Variants in DSCAM observed in about 807,000 individuals in gnomAD.
The protein encoded by DSCAM is DS cell adhesion molecule.
DSCAM carries 47 observed loss-of-function variants against 217.7 expected under a neutral mutation model. The observed-to-expected ratio is 0.22, with a 90% CI of 0.17 to 0.28. The LOEUF is 0.28. DSCAM is among the 10% of genes least tolerant of loss of function. DSCAM has a pLI of 1.00. For missense variants in DSCAM, 2,080 were observed against 2,618.3 expected (o/e 0.79, Z 4.49); for synonymous variants, 1,056 against 1,015.3 (o/e 1.04, Z -0.76).
intron 3 of DSCAM, among the ~76,000 whole-genome samples, chr21:40,629,076 GGTGTGTGTGTGT>G (rs57351838): frequency 0.17 from 25,118 of 144,132 alleles, 2,409 homozygotes; most frequent in Non-Finnish European, 0.21. Context: ...GTGTGTGTGT[GGTGTGTGTGTGT>G]GTGTGTGTGT....
intron 27 of DSCAM, among the ~76,000 whole-genome samples, chr21:40,069,879 C>T (rs532190664): frequency 2.0e-5 from 3 of 152,134 alleles, no homozygotes; most frequent in East Asian, 3.9e-4. Flanking sequence ...CTGTGGCAGA[C>T]ATATATTAAA....
At chr21:40,275,577 C>CA (rs1433384309) in intron 11 of DSCAM, among the ~76,000 whole-genome samples, 11 of 152,176 alleles carry the variant, frequency 7.2e-5, no homozygotes, top group Non-Finnish European at 1.2e-4. Flanking sequence ...CCAGCAGCGC[C>CA]AGCATTAAGC....
chr21:40,770,628 A>C (rs1048108126), intron 1 of DSCAM, among the ~76,000 whole-genome samples: 11 of 152,242 alleles, frequency 7.2e-5, no homozygotes, highest in Non-Finnish European at 1.3e-4. Flanking sequence ...AACACTCAGC[A>C]CCTGCAAATG....
chr21:40,796,277 G>A (rs917640375), intron 1 of DSCAM, among the ~76,000 whole-genome samples: 2 of 152,176 alleles, frequency 1.3e-5, no homozygotes, highest in African/African-American at 4.8e-5. Context: ...GCAAATCCGA[G>A]CAGAAGTTTT....
intron 1 of DSCAM, among the ~76,000 whole-genome samples, chr21:40,763,725 T>C (rs1023427817): frequency 1.3e-5 from 2 of 152,192 alleles, no homozygotes; most frequent in Non-Finnish European, 2.9e-5. Context: ...CAAAACAGCA[T>C]GGTTCTGGTA....
At chr21:40,819,710 A>G (rs565733980) in intron 1 of DSCAM, among the ~76,000 whole-genome samples, 2 of 152,308 alleles carry the variant, frequency 1.3e-5, no homozygotes, top group South Asian at 2.1e-4. Flanking sequence ...TCTCATGAAT[A>G]TGTTTGCCAT....
chr21:40,650,114 C>CG (rs2089994876), intron 3 of DSCAM, among the ~76,000 whole-genome samples: 1 of 152,116 alleles, frequency 6.6e-6, no homozygotes, highest in South Asian at 2.1e-4. Context: ...AAATCACTGA[C>CG]GGGGACTTTT....
intron 19 of DSCAM, 60 bp from the exon 20 acceptor site, chr21:40,124,388 G>A (rs767157186): frequency 2.5e-5 from 40 of 1,601,446 alleles, no homozygotes; most frequent in Admixed American, 1.7e-4. Flanking sequence ...GCGGACCCAC[G>A]CTTCCCAACA....
At chr21:40,599,075 G>A (rs1224227105) in intron 3 of DSCAM, among the ~76,000 whole-genome samples, 1 of 151,952 alleles carries the variant, frequency 6.6e-6, no homozygotes. Context: ...TGAGCTTTAA[G>A]GCTGCTTTAT....
intron 3 of DSCAM, among the ~76,000 whole-genome samples, chr21:40,485,262 A>G (rs2076016280): frequency 7.7e-6 from 1 of 129,380 alleles, no homozygotes. Context: ...TTTTTTTGAG[A>G]CGGAGCCTCG....
chr21:40,267,704 C>G (rs746739434), intron 11 of DSCAM, among the ~76,000 whole-genome samples: 1 of 152,056 alleles, frequency 6.6e-6, no homozygotes, highest in Non-Finnish European at 1.5e-5. Context: ...TGAGACCAGC[C>G]TGGCCAACAT....
At chr21:40,371,848 A>G (rs1383497228) in intron 3 of DSCAM, among the ~76,000 whole-genome samples, 2 of 152,126 alleles carry the variant, frequency 1.3e-5, no homozygotes, top group African/African-American at 4.8e-5. Flanking sequence ...GCAATTATTT[A>G]TTTCCTGCTG....
chr21:40,323,999 G>A (rs1040794583), intron 8 of DSCAM, among the ~76,000 whole-genome samples: 15 of 150,990 alleles, frequency 9.9e-5, no homozygotes, highest in African/African-American at 3.4e-4. Flanking sequence ...AGTTACTTGG[G>A]AGGCTGAGGT....
chr21:40,789,152 C>A (rs954078243), intron 1 of DSCAM, among the ~76,000 whole-genome samples: 1 of 151,704 alleles, frequency 6.6e-6, no homozygotes. Context: ...TGGAAGGGTG[C>A]CGATAGAGCA....
At chr21:40,319,527 T>C (rs1450849888) in intron 8 of DSCAM, among the ~76,000 whole-genome samples, 1 of 152,182 alleles carries the variant, frequency 6.6e-6, no homozygotes, top group East Asian at 1.9e-4. Context: ...TTGGCTGTCG[T>C]GGATAGTGCT....
chr21:40,083,167 G>A (rs1206908683), intron 24 of DSCAM, among the ~76,000 whole-genome samples: 3 of 152,196 alleles, frequency 2.0e-5, no homozygotes, highest in East Asian at 3.9e-4. Context: ...GGTGGCTCAC[G>A]CCTGTAATCC....
intron 4 of DSCAM, among the ~76,000 whole-genome samples, chr21:40,354,691 T>C (rs1479273492): frequency 6.6e-6 from 1 of 151,600 alleles, no homozygotes; most frequent in Admixed American, 6.6e-5. Flanking sequence ...CTACTAAAAA[T>C]ACAAAAAATT....
At chr21:40,365,813 G>GT (rs1455534830) in intron 4 of DSCAM, among the ~76,000 whole-genome samples, 1 of 152,100 alleles carries the variant, frequency 6.6e-6, no homozygotes, top group Non-Finnish European at 1.5e-5. Context: ...ATGAGCAGAT[G>GT]TTTTTTACAC....
At chr21:40,105,505 C>T (rs998085822) in intron 20 of DSCAM, among the ~76,000 whole-genome samples, 2 of 152,160 alleles carry the variant, frequency 1.3e-5, no homozygotes, top group Non-Finnish European at 1.5e-5. Context: ...GGGCATTTCC[C>T]GCCTTGGTTC....
Sources: gnomAD v4.1 joint callset for allele counts (sites outside exome capture counted in the v4.1 genomes callset) on GRCh38, gnomAD v4.1.1 for gene constraint, MANE v1.5 for transcripts, NCBI Gene and HGNC (gene_info 2026-07-23, HGNC 2026-07-21) for gene names.